Variants in CIZ1 observed in about 807,000 individuals in gnomAD.
CIZ1 encodes CDKN1A interacting zinc finger protein 1.
CIZ1 carries 58 observed loss-of-function variants against 118.6 expected under a neutral mutation model. The observed-to-expected ratio is 0.49, with a 90% confidence interval of 0.40 to 0.61. The LOEUF is 0.61. Ranked by LOEUF, CIZ1 falls within the 20% of genes least tolerant of loss-of-function variation. The pLI, the probability that CIZ1 is intolerant of heterozygous loss-of-function variation, is 0.00. For missense variants in CIZ1, 921 were observed against 1,115.9 expected, an observed-to-expected ratio of 0.83 and a Z score of 2.49; for synonymous variants, 448 against 443.4, an observed-to-expected ratio of 1.01 and a Z score of -0.13.
At chr9:128,184,222 A>G (rs948367081) in intron 5 of CIZ1, among the ~76,000 whole-genome samples, 1 of 152,226 alleles carries the variant, frequency 6.6e-6, no homozygotes, top group Non-Finnish European at 1.5e-5. Context: ...GCCTCAGGAG[A>G]GCACCTGAAA....
intron 3 of CIZ1, among the ~76,000 whole-genome samples, chr9:128,189,416 G>A (rs1452101159): frequency 1.3e-5 from 2 of 152,160 alleles, no homozygotes; most frequent in African/African-American, 2.4e-5. Flanking sequence ...AATCAATACC[G>A]ACTTGTTATG....
rs368596460 is a variant in CIZ1 at position 128,166,891 on chromosome 9, G to C, written c.2366-11C>G. The C allele has an allele frequency of 6.2e-7, 1 of 1,614,066 alleles. No individual in the cohort carries two copies. The highest frequency in any genetic ancestry group is 2.2e-5 in the East Asian group (1 of 44,898). The stretch of plus-strand genomic sequence containing the variant: ...CCAGGAAGTCCACACCTGTAGGATG[G>C]GATGGCAGGGTCTGCACTCACATCC... On this transcript the variant is annotated splice_polypyrimidine_tract_variant and intron_variant, in intron 15 of 16. Transcript: ENST00000372938. This position sits in a 1 kb window ranked among gnomAD's most constrained non-coding sequence, Gnocchi z 4.4.
At chr9:128,184,770 C>G (rs553043659) in intron 5 of CIZ1, among the ~76,000 whole-genome samples, 18 of 152,154 alleles carry the variant, frequency 1.2e-4, no homozygotes, top group African/African-American at 4.3e-4. Flanking sequence ...TGGGTTCAAG[C>G]GATTCTCCTG....
chr9:128,174,851 T>C (rs1483020960), intron 11 of CIZ1, among the ~76,000 whole-genome samples: 1 of 151,976 alleles, frequency 6.6e-6, no homozygotes, highest in African/African-American at 2.4e-5. Flanking sequence ...ACAGAGGGGG[T>C]TTCACCATGT....
chr9:128,191,896 G>A, upstream of CIZ1: 2 of 1,443,696 alleles, frequency 1.4e-6, no homozygotes, highest in Middle Eastern at 1.8e-4. This position sits in a 1 kb window ranked among gnomAD's most constrained non-coding sequence, Gnocchi z 5.5. Context: ...GGGGCCCCGC[G>A]CGGGGCTGCG....
At chr9:128,187,393 G>A (rs923896575) in intron 4 of CIZ1, among the ~76,000 whole-genome samples, 8 of 152,220 alleles carry the variant, frequency 5.3e-5, no homozygotes, top group East Asian at 3.8e-4. Context: ...AAAGCATGGC[G>A]TGCTGTGAGC....
chr9:128,188,801 T>A (rs1051024047), intron 3 of CIZ1, among the ~76,000 whole-genome samples: 2 of 150,926 alleles, frequency 1.3e-5, no homozygotes, highest in Admixed American at 6.6e-5. Flanking sequence ...CCCAGCCAAT[T>A]TTTTTTTTCT....
In CIZ1 at chr9:128,178,818, C is replaced by A; in HGVS notation, c.1389G>T (p.Glu463Asp). 6.2e-7 allele frequency: 1 copy of A among 1,614,172 alleles called. No homozygotes were observed. The highest frequency in any genetic ancestry group is 8.5e-7 in the Non-Finnish European group (1 of 1,180,016). ...VSVQPPEQTHEQPHTQPQVSL... is the reference protein window; with the variant it reads ...VSVQPPEQTHDQPHTQPQVSL... ...ACACCTGCGGCTGGGTGTGAGGCTG[C>A]TCATGGGTCTGCTCTGGTGGCTGTA... is the stretch of plus-strand genomic sequence containing the variant. Residue 463 changes from glutamate to aspartate, a missense_variant, in exon 8 of 17, where the codon GAG (glutamate) becomes GAT (aspartate). Glu to Asp is a conservative substitution (Grantham distance 45). Transcript: ENST00000372938.
At chr9:128,187,267 T>C (rs1249243892) in intron 4 of CIZ1, among the ~76,000 whole-genome samples, 1 of 152,176 alleles carries the variant, frequency 6.6e-6, no homozygotes, top group Non-Finnish European at 1.5e-5. Context: ...CTTCACATCA[T>C]CTAACTCAGC....
Position 128,190,344 on chromosome 9 carries a change from A to G in CIZ1, c.271T>C (p.Leu91=), listed in dbSNP as rs1832972853. 1 of 1,613,502 alleles carries G rather than the reference A, an allele frequency of 6.2e-7. No homozygotes were observed. The highest frequency in any genetic ancestry group is 8.5e-7 in the Non-Finnish European group (1 of 1,179,542). ...CCATCCATACCTTGCAACTGCTGTA[A>G]AAGCAAAGCTCTCTGCAGCATGGAG... The part of the protein sequence containing the change: ...NGSMLQRALL[L]QQLQGLDQFA... The change falls in exon 3 of 17, where the codon TTA becomes CTA. Residue 91 remains leucine, a synonymous_variant. Transcript: ENST00000372938.
chr9:128,177,537 C>CCCCCCCCCCCA, intron 10 of CIZ1, 29 bp downstream of exon 10: 1 of 1,153,048 alleles, frequency 8.7e-7, no homozygotes, highest in Non-Finnish European at 1.2e-6. Flanking sequence ...GGCCCCACCC[C>CCCCCCCCCCCA]TCCCCACCCT....
Position 128,169,115 on chromosome 9 carries a change from TTCA to T in CIZ1, c.2229_2231del (p.Asp743del). ...CATCCTCATCATCCTCTTCCTCTTC[TTCA>T]TCACCCTCGAAGCAACCCACAGCGT... On this transcript the variant is annotated inframe_deletion, in exon 14 of 17. Transcript: ENST00000372938. The T allele has an allele frequency of 1.2e-6, 2 of 1,614,134 alleles. No homozygotes were observed. Among genetic ancestry groups the T allele is most frequent in the Non-Finnish European group, 1.7e-6 (2 of 1,179,986 alleles).
chr9:128,174,745 C>T (rs1830653655), intron 11 of CIZ1, among the ~76,000 whole-genome samples: 1 of 151,176 alleles, frequency 6.6e-6, no homozygotes, highest in African/African-American at 2.4e-5. Flanking sequence ...CTGCAACCTC[C>T]GCCCCCAGGT....
intron 4 of CIZ1, among the ~76,000 whole-genome samples, chr9:128,186,528 C>G (rs900829680): frequency 6.6e-6 from 1 of 152,198 alleles, no homozygotes; most frequent in African/African-American, 2.4e-5. Context: ...TGAATTCCAG[C>G]CACAGCTTTT....
chr9:128,174,752 A>G (rs539304591), intron 11 of CIZ1, among the ~76,000 whole-genome samples: 1 of 150,812 alleles, frequency 6.6e-6, no homozygotes, highest in South Asian at 2.1e-4. Flanking sequence ...CTCCGCCCCC[A>G]GGTTCAAGCA....
In CIZ1 at chr9:128,169,487, G is replaced by C; in HGVS notation, c.2064C>G (p.Thr688=). The change falls in exon 13 of 17, where the codon ACC becomes ACG. Residue 688 remains threonine (T), a synonymous_variant. Coordinates refer to ENST00000372938, the MANE Select transcript of CIZ1 (RefSeq NM_001131016.2). ...GGGTTTTGAAGTAGCGGTTGCAAAC[G>C]GTGCAGAAGGGTCGCAAGGATTGTT... ...IAKQSLRPFC[T]VCNRYFKTPR... 6.2e-7 allele frequency: 1 copy of C among 1,614,148 alleles called. No individual in the cohort carries two copies. Among genetic ancestry groups the C allele is most frequent in the Non-Finnish European group, 8.5e-7 (1 of 1,180,026 alleles).
In CIZ1 at chr9:128,178,872, T is replaced by C. The variant is rs1267144299; in HGVS notation, c.1335A>G (p.Pro445=). The change falls in exon 8 of 17, where the codon CCA becomes CCG. Residue 445 remains proline, a synonymous_variant. Transcript: ENST00000372938. ...ACACCTGCGCTGGAGGATGCTCCTG[T>C]GGCTGGACGCTTGGCTGTGCCTGTG... The part of the protein sequence containing the change: ...VHTQAQPSVQ[P]QEHPPAQVSV... 2.5e-6 allele frequency: 4 copies of C among 1,614,242 alleles called. No individual in the cohort carries two copies. The Admixed American group carries it at 6.7e-5, about 27-fold the overall frequency.
At chr9:128,173,503 C>T (rs999051732) in intron 11 of CIZ1, among the ~76,000 whole-genome samples, 1 of 151,898 alleles carries the variant, frequency 6.6e-6, no homozygotes, top group Admixed American at 6.6e-5. Flanking sequence ...GTCTTGAACT[C>T]CTAAACTCAA....
In CIZ1 at chr9:128,191,543, C is replaced by G. The variant is rs1160984239; in HGVS notation, c.-117G>C. The G allele has an allele frequency of 5.7e-6, 6 of 1,046,188 alleles. No homozygotes were observed. The highest frequency in any genetic ancestry group is 4.4e-4 in the Middle Eastern group (1 of 2,250). The allele number at this position is 1,046,188 out of a possible 1,614,324, so 64.8% of individuals were successfully genotyped here. A position where few individuals can be genotyped will look rare whatever the true frequency, so the allele number is the denominator to read the frequency against. Reference sequence around the variant, plus strand: ...GGCCCGCGGGCTCCCGGCCTCCCCGCTGCTACTCCGGGGCCTGTGGGCTCG... The same window carrying G: ...GGCCCGCGGGCTCCCGGCCTCCCCGGTGCTACTCCGGGGCCTGTGGGCTCG... On this transcript the variant is annotated 5_prime_UTR_variant, in exon 1 of 17. Coordinates refer to ENST00000372938, the MANE Select transcript of CIZ1 (RefSeq NM_001131016.2). This position sits in a 1 kb window ranked among gnomAD's most constrained non-coding sequence, Gnocchi z 5.5.
Sources: gnomAD v4.1 joint callset for allele counts (sites outside exome capture counted in the v4.1 genomes callset) on GRCh38, gnomAD v4.1.1 for gene constraint, Gnocchi (gnomAD v3.1) non-coding constraint, MANE v1.5 for transcripts, NCBI Gene and HGNC (gene_info 2026-07-23, HGNC 2026-07-21) for gene names.